TMTC4: variants seen among roughly 807,000 people sequenced by gnomAD.
The protein encoded by TMTC4 is protein O-mannosyl-transferase TMTC4.
A neutral mutation model predicts 86.0 loss-of-function variants in TMTC4; 65 were observed. The observed-to-expected ratio is 0.76, with a 90% CI of 0.62 to 0.93. The LOEUF is 0.93. TMTC4 is among the 40% of genes least tolerant of loss of function. TMTC4 has a pLI of 0.00. For synonymous variants in TMTC4, 379 were observed against 382.5 expected, an observed-to-expected ratio of 0.99 and a Z score of 0.11; for missense variants, 866 against 948.1, an observed-to-expected ratio of 0.91 and a Z score of 1.14.
At chr13:100,622,632 T>G (rs1383229808) in intron 15 of TMTC4, among the ~76,000 whole-genome samples, 1 of 152,168 alleles carries the variant, frequency 6.6e-6, no homozygotes, top group East Asian at 1.9e-4. Context: ...CCACCTTGAT[T>G]GTGAGGCCTC....
In TMTC4 at chr13:100,625,511, AGGCACAGG is replaced by A. The variant is rs1880341600; in HGVS notation, c.1836+16_1836+23del. The A allele has an allele frequency of 4.3e-6, 7 of 1,612,438 alleles. 1 individual carries two copies. The African/African-American group carries it at 9.3e-5, about 21-fold the overall frequency. On this transcript the variant is annotated intron_variant, in intron 15 of 18. Coordinates refer to ENST00000342624, the MANE Select transcript of TMTC4 (RefSeq NM_032813.5). ...AAAAATAACCCATCTTTCCTTCCAC[AGGCACAGG>A]GCACCCCGCGCTTACCAGACGCCCG...
At chr13:100,643,251 T>C (rs1028872580) in intron 6 of TMTC4, among the ~76,000 whole-genome samples, 1 of 152,212 alleles carries the variant, frequency 6.6e-6, no homozygotes, top group African/African-American at 2.4e-5. Flanking sequence ...CGAACCTTCT[T>C]GGAGAATCCA....
chr13:100,606,610 A>G (rs553371096), intron 17 of TMTC4, among the ~76,000 whole-genome samples, 183 bp from the exon 18 acceptor site: 1 of 152,320 alleles, frequency 6.6e-6, no homozygotes, highest in Admixed American at 6.5e-5. Context: ...GACAAGGAGC[A>G]GTGGGAGGGA....
At chr13:100,614,117 G>A (rs1329541486) in intron 16 of TMTC4, among the ~76,000 whole-genome samples, 199 bp downstream of exon 16, 1 of 151,958 alleles carries the variant, frequency 6.6e-6, no homozygotes, top group Non-Finnish European at 1.5e-5. Flanking sequence ...GGGATTACAG[G>A]TGTGAGCAAC....
intron 10 of TMTC4, among the ~76,000 whole-genome samples, 178 bp downstream of exon 10, chr13:100,636,354 C>G (rs187992108): frequency 6.6e-6 from 1 of 152,224 alleles, no homozygotes; most frequent in Non-Finnish European, 1.5e-5. Flanking sequence ...GCTCCCCACC[C>G]GCGGAAGCCA....
intron 17 of TMTC4, among the ~76,000 whole-genome samples, chr13:100,608,385 A>C (rs1880804912): frequency 6.6e-6 from 1 of 152,250 alleles, no homozygotes; most frequent in Non-Finnish European, 1.5e-5. Context: ...GAGGAATAAC[A>C]GGCAGAGAGC....
chr13:100,622,300 A>G (rs1879629454), intron 15 of TMTC4, among the ~76,000 whole-genome samples: 2 of 152,240 alleles, frequency 1.3e-5, no homozygotes, highest in Middle Eastern at 3.4e-3. Flanking sequence ...TCCACAGTGG[A>G]GTCAGCACAT....
intron 6 of TMTC4, among the ~76,000 whole-genome samples, chr13:100,644,179 C>T (rs1219053217): frequency 6.7e-6 from 1 of 148,458 alleles, no homozygotes; most frequent in Non-Finnish European, 1.5e-5. Context: ...GATCTCGGGT[C>T]ACTGCAAGTT....
At chr13:100,669,210 T>G (rs1211112632) in intron 2 of TMTC4, among the ~76,000 whole-genome samples, 1 of 152,176 alleles carries the variant, frequency 6.6e-6, no homozygotes, top group Non-Finnish European at 1.5e-5. Context: ...ACACTGTGTG[T>G]GTGGCAGGGG....
At chr13:100,661,796 G>A (rs1885811389) in intron 5 of TMTC4, among the ~76,000 whole-genome samples, 1 of 152,226 alleles carries the variant, frequency 6.6e-6, no homozygotes, top group Admixed American at 6.5e-5. Context: ...CGTCTGCTCA[G>A]CATCTTGAAA....
chr13:100,605,947 C>T lies in TMTC4; in HGVS notation c.2134+411G>A, dbSNP rs930649799. ...GCATAAGAGGATATAAAGCAGAAGA[C>T]CAGGCTGGAAGGGGAAGGTCTACTC... On this transcript the variant is annotated intron_variant, in intron 18 of 18. Transcript: ENST00000342624. This position sits in a 1 kb window ranked among gnomAD's most constrained non-coding sequence, Gnocchi z 4.3. Among the ~76,000 whole-genome samples the T allele has an allele frequency of 3.9e-5, 6 of 152,000 alleles. No homozygotes were observed. The highest frequency in any genetic ancestry group is 8.8e-5 in the Non-Finnish European group (6 of 68,004).
chr13:100,604,267 T>C lies in TMTC4; in HGVS notation c.*727A>G, dbSNP rs1483969291. The C allele has an allele frequency of 6.6e-6, 1 of 152,652 alleles. No homozygotes were observed. Among genetic ancestry groups the C allele is most frequent in the Non-Finnish European group, 1.5e-5 (1 of 68,050 alleles). 9.5% of individuals were successfully genotyped at this position (152,652 alleles called of 1,614,324 possible). A position where few individuals can be genotyped will look rare whatever the true frequency, so the allele number is the denominator to read the frequency against. Reference sequence around the variant, plus strand: ...AGATGTGAGGCTGCCTGCTCTTGCCTAAAGCATGGCTTGAACTTTCAATTG... The same window carrying C: ...AGATGTGAGGCTGCCTGCTCTTGCCCAAAGCATGGCTTGAACTTTCAATTG... On this transcript the variant is annotated 3_prime_UTR_variant, in exon 19 of 19. Transcript: ENST00000342624.
chr13:100,653,902 G>GC (rs1025376164), intron 6 of TMTC4, among the ~76,000 whole-genome samples: 1 of 152,214 alleles, frequency 6.6e-6, no homozygotes, highest in African/African-American at 2.4e-5. Flanking sequence ...GCCTGGATGA[G>GC]CAGAAGATGC....
rs146588918 is a variant in TMTC4, at chr13:100,654,075, G to A, written c.640+2306C>T. On this transcript the variant is annotated intron_variant, in intron 6 of 18. Coordinates refer to ENST00000342624, the MANE Select transcript of TMTC4 (RefSeq NM_032813.5). ...ACAAGAGAACAGATCCCACGAAGAC[G>A]GGGCAGCTTGTAGACAAGAGGTCAA... Among the ~76,000 whole-genome samples the A allele has an allele frequency of 8.5e-5, 13 of 152,300 alleles. No homozygotes were observed. In the South Asian group the frequency reaches 2.1e-3, roughly 24 times the overall value.
intron 17 of TMTC4, among the ~76,000 whole-genome samples, chr13:100,607,180 TCACTC>T (rs1306367191): frequency 1.3e-5 from 2 of 152,168 alleles, no homozygotes; most frequent in Non-Finnish European, 2.9e-5. Context: ...GGGACGCTGT[TCACTC>T]CATCCACCTT....
In TMTC4 at chr13:100,663,021, G is replaced by A. The variant is rs1566639414; in HGVS notation, c.495C>T (p.Pro165=). The A allele has an allele frequency of 1.2e-6, 2 of 1,614,156 alleles. No homozygotes were observed. Among genetic ancestry groups the A allele is most frequent in the Middle Eastern group, 1.6e-4 (1 of 6,062 alleles). ...TSKGRRLHLA[P]RASLLAALLF... is the part of the protein sequence containing the mutation. ...GCAGCGCGGCCAGCAGGGACGCCCT[G>A]GGGGCGAGGTGCAGCCTCCGGCCTT... Residue 165 remains proline (P), a synonymous_variant, in exon 5 of 19, where the codon CCC becomes CCT. Coordinates refer to ENST00000342624, the MANE Select transcript of TMTC4 (RefSeq NM_032813.5).
At chr13:100,634,701 G>A (rs1881942756) in intron 12 of TMTC4, 104 bp downstream of exon 12, 3 of 1,407,696 alleles carry the variant, frequency 2.1e-6, no homozygotes, top group African/African-American at 1.4e-5. Context: ...TTCGGTCATG[G>A]TCTTACACTA....
chr13:100,641,214 G>C (rs577101233), intron 7 of TMTC4, among the ~76,000 whole-genome samples: 96 of 152,178 alleles, frequency 6.3e-4, no homozygotes, highest in Non-Finnish European at 1.1e-3. Flanking sequence ...AGAGTTCTCT[G>C]AGAACAAAGT....
At position 100,646,030 on chromosome 13, in the gene TMTC4, C is replaced by T. The variant is rs535443493; in HGVS notation, c.641-3719G>A. Among the ~76,000 whole-genome samples, 4 of 152,244 alleles carry T rather than the reference C, an allele frequency of 2.6e-5. No individual in the cohort carries two copies. The East Asian group carries it at 7.7e-4, about 29-fold the overall frequency. ...CCACTTGAGAACCATTGCCCTAAAC[C>T]AGTGCCACTCACGGGTGTGTGGTCC... On this transcript the variant is annotated intron_variant, in intron 6 of 18. Coordinates refer to ENST00000342624, the MANE Select transcript of TMTC4 (RefSeq NM_032813.5).
Sources: gnomAD v4.1 joint callset for allele counts (sites outside exome capture counted in the v4.1 genomes callset) on GRCh38, gnomAD v4.1.1 for gene constraint, Gnocchi (gnomAD v3.1) non-coding constraint, MANE v1.5 for transcripts, NCBI Gene and HGNC (gene_info 2026-07-23, HGNC 2026-07-21) for gene names.